The following MAP7 variants were observed in gnomAD, a reference collection of about 807,000 sequenced individuals.
MAP7 encodes ensconsin.
In MAP7, 52 loss-of-function variants were observed where a neutral mutation model predicts 94.8. The observed-to-expected ratio is 0.55, with a 90% confidence interval of 0.44 to 0.69. The LOEUF (loss-of-function observed/expected upper bound fraction) is 0.69, where lower values mean the gene tolerates loss of function less well. Ranked by LOEUF, MAP7 falls within the 30% of genes least tolerant of loss-of-function variation. The pLI, the probability that MAP7 is intolerant of heterozygous loss-of-function variation, is 0.00. For missense variants in MAP7, 940 were observed against 964.6 expected, an observed-to-expected ratio of 0.97 and a Z score of 0.34; for synonymous variants, 350 against 357.0, an observed-to-expected ratio of 0.98 and a Z score of 0.22.
Position 136,361,157 on chromosome 6 carries a change from G to C in MAP7, c.1549C>G (p.Gln517Glu). 1 of 1,604,090 alleles carries C rather than the reference G, an allele frequency of 6.2e-7. No individual in the cohort carries two copies. The highest frequency in any genetic ancestry group is 1.1e-5 in the South Asian group (1 of 91,088). Residue 517 changes from glutamine to glutamate, a missense_variant, in exon 12 of 18, where the codon CAA (glutamine) becomes GAA (glutamate). Physicochemically the swap from Gln to Glu is conservative, Grantham distance 29 (BLOSUM62 2). Coordinates refer to ENST00000354570, the MANE Select transcript of MAP7 (RefSeq NM_003980.6). ...LERQKREELA[Q>E]RVAEERTTRR... ...GTCGTCCTCTCTTCAGCCACACGTT[G>C]AGCCAATTCCTCTCTCTTTTGTCTG...
intron 1 of MAP7, among the ~76,000 whole-genome samples, chr6:136,548,652 G>C (rs150169762): frequency 6.6e-6 from 1 of 152,150 alleles, no homozygotes; most frequent in South Asian, 2.1e-4. Context: ...TTGGAAGCAC[G>C]GCCTATTCCT....
At chr6:136,456,767 G>GGAGGAGGAGGACGAAGAAGAAGAA (rs1179338276) in intron 1 of MAP7, among the ~76,000 whole-genome samples, 1 of 60,520 alleles carries the variant, frequency 1.7e-5, no homozygotes, top group African/African-American at 7.3e-5. Flanking sequence ...AGGAGGAGGA[G>GGAGGAGGAGGACGAAGAAGAAGAA]GAAGAAGAAG....
rs942558711 is a variant in MAP7 at position 136,361,038 on chromosome 6, G to A, written c.1668C>T (p.Arg556=). 3.2e-6 allele frequency: 5 copies of A among 1,581,890 alleles called. No individual in the cohort carries two copies. Among genetic ancestry groups the A allele is most frequent in the Non-Finnish European group, 4.3e-6 (5 of 1,170,174 alleles). The part of the protein sequence containing the change: ...LQRQAEERAL[R]EREEAERAQR... ...GGGCGCGCTCTGCCTCCTCCCGCTC[G>A]CGCAGCGCCCGCTCCTCCGCCTGCC... is the stretch of plus-strand genomic sequence containing the variant. Residue 556 remains arginine (R), a synonymous_variant, in exon 12 of 18, where the codon CGC becomes CGT. Coordinates refer to ENST00000354570, the MANE Select transcript of MAP7 (RefSeq NM_003980.6).
chr6:136,549,048 T>G lies in MAP7; in HGVS notation c.67+1294A>C, dbSNP rs866235584. On this transcript the variant is annotated intron_variant, in intron 1 of 17. Coordinates refer to ENST00000354570, the MANE Select transcript of MAP7 (RefSeq NM_003980.6). Reference sequence around the variant, plus strand: ...ATGACTTAAACAAGTTCAAGATACTTTGTCAGTCTTAACCTCAGGTATCTT... The same window carrying G: ...ATGACTTAAACAAGTTCAAGATACTGTGTCAGTCTTAACCTCAGGTATCTT... 9.8e-5 allele frequency among the ~76,000 whole-genome samples: 15 copies of G among 152,370 alleles called. 1 individual carries two copies. Among genetic ancestry groups the G allele is most frequent in the Admixed American group, 1.3e-4 (2 of 15,304 alleles).
chr6:136,445,772 A>G (rs1472115526), intron 1 of MAP7, among the ~76,000 whole-genome samples: 2 of 152,194 alleles, frequency 1.3e-5, no homozygotes, highest in Non-Finnish European at 2.9e-5. Context: ...ACACTCATCT[A>G]TATTTTCCAA....
rs762795596 is a variant in MAP7, at chr6:136,377,916, T to A, written c.638-48A>T. 18 of 1,348,904 alleles carry A rather than the reference T, an allele frequency of 1.3e-5. No homozygotes were observed. In the African/African-American group the frequency reaches 1.9e-4, roughly 14 times the overall value. The allele number at this position is 1,348,904 out of a possible 1,614,324, so 83.6% of individuals were successfully genotyped here. ...GATGTTAGAAGCATTCTTTTCAGAG[T>A]CAAGAGGGCATAATACATCGTACCT... is the stretch of plus-strand genomic sequence containing the variant. On this transcript the variant is annotated intron_variant, in intron 6 of 17. Coordinates refer to ENST00000354570, the MANE Select transcript of MAP7 (RefSeq NM_003980.6).
chr6:136,447,270 C>T (rs1053108096), intron 1 of MAP7, among the ~76,000 whole-genome samples: 3 of 152,196 alleles, frequency 2.0e-5, no homozygotes, highest in African/African-American at 7.2e-5. Context: ...TGTATTTCTT[C>T]CAAATAACTA....
intron 1 of MAP7, among the ~76,000 whole-genome samples, chr6:136,532,175 G>A (rs115282483): frequency 2.0e-5 from 3 of 152,286 alleles, no homozygotes; most frequent in South Asian, 2.1e-4. Flanking sequence ...CATCATCAGC[G>A]CACTGAGGAA....
chr6:136,391,059 C>T (rs1780556762), intron 3 of MAP7, among the ~76,000 whole-genome samples: 1 of 152,196 alleles, frequency 6.6e-6, no homozygotes, highest in Admixed American at 6.5e-5. Context: ...AATTCTCAAG[C>T]TCAAGTTAAA....
chr6:136,377,494 T>C (rs1776503578), intron 7 of MAP7, among the ~76,000 whole-genome samples: 1 of 152,112 alleles, frequency 6.6e-6, no homozygotes, highest in Non-Finnish European at 1.5e-5. Flanking sequence ...TCGGGTAATG[T>C]TATGAACAGA....
chr6:136,441,945 G>A (rs1366260711), intron 1 of MAP7, among the ~76,000 whole-genome samples: 1 of 152,084 alleles, frequency 6.6e-6, no homozygotes, highest in Non-Finnish European at 1.5e-5. Context: ...CTGGGAGGTA[G>A]AGGCTGCAAG....
At chr6:136,454,535 C>T (rs1006716257) in intron 1 of MAP7, among the ~76,000 whole-genome samples, 2 of 151,872 alleles carry the variant, frequency 1.3e-5, no homozygotes, top group African/African-American at 4.8e-5. Flanking sequence ...TGGGCTCAAG[C>T]GACCCTCACG....
At position 136,435,806 on chromosome 6, in the gene MAP7, T is replaced by C. The variant is rs3799422; in HGVS notation, c.68-14007A>G. Among the ~76,000 whole-genome samples the C allele has an allele frequency of 0.013, 1,907 of 152,270 alleles. 61 individuals are homozygous for C. The East Asian group carries it at 0.14, about 11-fold the overall frequency. ...GAAGCAAGAAAACCTGCTTTAGAAA[T>C]AGTAGAATCTGAGCAATTTGAAGGT... On this transcript the variant is annotated intron_variant, in intron 1 of 17. Transcript: ENST00000354570.
intron 10 of MAP7, chr6:136,364,028 G>A (rs1031168704): frequency 5.3e-5 from 12 of 227,722 alleles, no homozygotes; most frequent in African/African-American, 7.1e-5. Context: ...AGCTGCACTC[G>A]GTCCCTCTGA....
chr6:136,456,801 G>GAAC (rs1803161101), intron 1 of MAP7, among the ~76,000 whole-genome samples: 2 of 57,770 alleles, frequency 3.5e-5, no homozygotes, highest in Admixed American at 2.1e-4. Flanking sequence ...AGAAGAAGAA[G>GAAC]AAGAAGAAGA....
In MAP7 at chr6:136,389,433, A is replaced by C; in HGVS notation, c.329T>G (p.Leu110Trp). ...CTCCTCCTTCTGCCTCTGCTCCTCC[A>C]ACCTCTTCTTCCGCTCTTCCAGGTG... ...EKHLEERKKRLEEQRQKEERR... is the reference protein window; with the variant it reads ...EKHLEERKKRWEEQRQKEERR... The change falls in exon 4 of 18, where the codon TTG becomes TGG. Residue 110 changes from leucine (L) to tryptophan (W), a missense_variant. By Grantham distance (61) the Leu-to-Trp change is moderately conservative. Coordinates refer to ENST00000354570, the MANE Select transcript of MAP7 (RefSeq NM_003980.6). The C allele has an allele frequency of 6.2e-7, 1 of 1,601,218 alleles. No homozygotes were observed. The highest frequency in any genetic ancestry group is 8.5e-7 in the Non-Finnish European group (1 of 1,175,292).
At chr6:136,377,658 G>T in intron 7 of MAP7, 97 bp downstream of exon 7, 1 of 867,750 alleles carries the variant, frequency 1.2e-6, no homozygotes, top group Non-Finnish European at 1.9e-6. Flanking sequence ...GGGGAAGAGA[G>T]AAGCGCATTT....
intron 1 of MAP7, among the ~76,000 whole-genome samples, chr6:136,442,994 G>GTATATTTAAATATGGT (rs1340619961): frequency 2.0e-5 from 3 of 152,192 alleles, no homozygotes; most frequent in South Asian, 2.1e-4. Context: ...CTAAGGATAA[G>GTATATTTAAATATGGT]TATATTTAAA....
At chr6:136,474,859 G>A (rs1810345222) in intron 1 of MAP7, among the ~76,000 whole-genome samples, 1 of 151,942 alleles carries the variant, frequency 6.6e-6, no homozygotes, top group Non-Finnish European at 1.5e-5. Flanking sequence ...GGGACCACGG[G>A]TGCACACCAT....
Sources: gnomAD v4.1 joint callset for allele counts (sites outside exome capture counted in the v4.1 genomes callset) on GRCh38, gnomAD v4.1.1 for gene constraint, MANE v1.5 for transcripts, NCBI Gene and HGNC (gene_info 2026-07-23, HGNC 2026-07-21) for gene names.